Variants in TMEM217 observed in about 807,000 individuals in gnomAD.
The protein encoded by TMEM217 is chromosome 6 open reading frame 128.
For synonymous variants in TMEM217, 76 were observed against 88.3 expected (o/e 0.86, Z 0.78); for missense variants, 204 against 248.8 (o/e 0.82, Z 1.21).
At position 37,217,894 on chromosome 6, in the gene TMEM217, G is replaced by T. The variant is rs1043995499; in HGVS notation, c.*528C>A. The T allele has an allele frequency of 3.0e-6, 3 of 985,726 alleles. No individual in the cohort carries two copies. In the African/African-American group the frequency reaches 5.2e-5, roughly 17 times the overall value. The allele number at this position is 985,726 out of a possible 1,614,324, so 61.1% of individuals were successfully genotyped here. A position where few individuals can be genotyped will look rare whatever the true frequency, so the allele number is the denominator to read the frequency against. On this transcript the variant is annotated 3_prime_UTR_variant, in exon 2 of 2. Transcript: ENST00000357219. ...TATTCCATTCATTTTGACCAATCAG[G>T]TGGTAGAAAGGTGAGTTCACAGAAG... is the stretch of plus-strand genomic sequence containing the variant.
At chr6:37,241,147 G>A (rs1475965137) in intron 1 of TMEM217, among the ~76,000 whole-genome samples, 2 of 144,894 alleles carry the variant, frequency 1.4e-5, no homozygotes, top group African/African-American at 2.6e-5. Flanking sequence ...CTCCCAGGCT[G>A]GAGTGTAGTG....
At position 37,228,898 on chromosome 6, in the gene TMEM217, G is replaced by A. The variant is rs1764004521; in HGVS notation, c.-11-9857C>T. ...TGTAGTCCCAGCTACTCAGGAGGCC[G>A]AGGCAGGAGAATGGCGTGAACCTGG... On this transcript the variant is annotated intron_variant, in intron 1 of 1. Coordinates refer to ENST00000357219, the Ensembl canonical transcript of TMEM217. 2.6e-5 allele frequency among the ~76,000 whole-genome samples: 4 copies of A among 151,744 alleles called. No individual in the cohort carries two copies. In the South Asian group the frequency reaches 8.3e-4, roughly 32 times the overall value.
intron 1 of TMEM217, among the ~76,000 whole-genome samples, chr6:37,244,223 T>C (rs1764941858): frequency 6.6e-6 from 1 of 152,248 alleles, no homozygotes; most frequent in African/African-American, 2.4e-5. Context: ...TTTCCAAAGT[T>C]TGGCTTATGC....
At chr6:37,233,562 G>A (rs1764327403) in intron 1 of TMEM217, among the ~76,000 whole-genome samples, 1 of 152,144 alleles carries the variant, frequency 6.6e-6, no homozygotes, top group Admixed American at 6.5e-5. Context: ...CACAAAGTTG[G>A]CGCCCTCATG....
At chr6:37,224,624 A>AC (rs398110030) in intron 1 of TMEM217, among the ~76,000 whole-genome samples, 2 of 148,184 alleles carry the variant, frequency 1.3e-5, no homozygotes, top group Non-Finnish European at 3.0e-5. Context: ...CGAAAAAAAA[A>AC]CCTTTTATTT....
downstream of TMEM217, among the ~76,000 whole-genome samples, chr6:37,214,796 A>T (rs1763094958): frequency 6.6e-6 from 1 of 152,172 alleles, no homozygotes. Context: ...GACTCCAGAT[A>T]CACAAAACTC....
intron 1 of TMEM217, among the ~76,000 whole-genome samples, chr6:37,231,796 A>G (rs903815437): frequency 1.3e-5 from 2 of 149,122 alleles, no homozygotes; most frequent in Non-Finnish European, 3.0e-5. Context: ...AGATAAATGT[A>G]CAATTTTTTT....
At chr6:37,239,482 AAAT>A (rs1425160449) in intron 1 of TMEM217, among the ~76,000 whole-genome samples, 4 of 1,762 alleles carry the variant, frequency 2.3e-3, no homozygotes, top group African/African-American at 8.3e-3. Context: ...CTTAAAAAAT[AAAT>A]AAATAAATAA....
rs1765861035 is a variant in TMEM217, at chr6:37,257,898, G to T, written c.-342C>A. On this transcript the variant is annotated 5_prime_UTR_variant, in exon 1 of 2. Coordinates refer to ENST00000357219, the Ensembl canonical transcript of TMEM217. ...GGCAAACCCTTGGCCCGCCTACAAG[G>T]ACTTCCCCCGGCCAGAGCAATGGCC... 1.9e-6 allele frequency: 3 copies of T among 1,612,704 alleles called. No homozygotes were observed. In the South Asian group the frequency reaches 3.3e-5, roughly 18 times the overall value.
chr6:37,226,237 CTT>C (rs1378420825), intron 1 of TMEM217, among the ~76,000 whole-genome samples: 1 of 134,138 alleles, frequency 7.5e-6, no homozygotes, highest in African/African-American at 2.8e-5. Flanking sequence ...TCACCATTCT[CTT>C]TTTTTGTTTT....
chr6:37,214,479 G>A (rs1188552603), downstream of TMEM217, among the ~76,000 whole-genome samples: 2 of 151,962 alleles, frequency 1.3e-5, no homozygotes, highest in Non-Finnish European at 2.9e-5. Context: ...TGCCCGCCTC[G>A]GCCTCCCAAA....
downstream of TMEM217, among the ~76,000 whole-genome samples, chr6:37,216,228 G>A (rs1409886057): frequency 2.0e-5 from 3 of 151,976 alleles, no homozygotes; most frequent in Non-Finnish European, 4.4e-5. Flanking sequence ...ACAGGTGCCT[G>A]CCACTATACC....
chr6:37,257,082 A>T (rs1765790485), intron 1 of TMEM217, among the ~76,000 whole-genome samples: 1 of 152,212 alleles, frequency 6.6e-6, no homozygotes, highest in Non-Finnish European at 1.5e-5. Context: ...TCCTTCAAAG[A>T]AATGGTATTT....
downstream of TMEM217, among the ~76,000 whole-genome samples, chr6:37,214,846 A>T (rs1763096103): frequency 6.6e-6 from 1 of 152,138 alleles, no homozygotes; most frequent in Admixed American, 6.6e-5. Flanking sequence ...GGAGGGAGGC[A>T]GTGTGTTGTC....
At chr6:37,250,715 G>A (rs1357882401) in intron 1 of TMEM217, among the ~76,000 whole-genome samples, 3 of 152,240 alleles carry the variant, frequency 2.0e-5, no homozygotes, top group African/African-American at 7.2e-5. Flanking sequence ...ACACACACAC[G>A]TGTATGTATG....
intron 1 of TMEM217, among the ~76,000 whole-genome samples, chr6:37,249,418 CA>C (rs1765274152): frequency 6.6e-6 from 1 of 152,110 alleles, no homozygotes; most frequent in African/African-American, 2.4e-5. Flanking sequence ...TTTCCAGGTT[CA>C]AGCAATTCTC....
intron 1 of TMEM217, among the ~76,000 whole-genome samples, chr6:37,242,576 G>C (rs1764824056): frequency 6.6e-6 from 1 of 152,154 alleles, no homozygotes; most frequent in Non-Finnish European, 1.5e-5. Context: ...ACCAGCCCCA[G>C]CTTGGAATGA....
At chr6:37,220,938 CAGAT>C in intron 1 of TMEM217, among the ~76,000 whole-genome samples, 1 of 152,012 alleles carries the variant, frequency 6.6e-6, no homozygotes, top group Non-Finnish European at 1.5e-5. Context: ...ATATAATACA[CAGAT>C]ATATATAATA....
downstream of TMEM217, among the ~76,000 whole-genome samples, chr6:37,215,689 G>T (rs940077221): frequency 6.6e-6 from 1 of 151,850 alleles, no homozygotes; most frequent in Non-Finnish European, 1.5e-5. Context: ...AACAGTGAGA[G>T]AGATGAAAAA....
Sources: allele counts gnomAD v4.1 joint callset (sites outside exome capture counted in the v4.1 genomes callset), GRCh38; gene constraint gnomAD v4.1.1; transcripts MANE v1.5; gene names NCBI Gene and HGNC (gene_info 2026-07-23, HGNC 2026-07-21).